MBTPS2: variants seen among roughly 807,000 people sequenced by gnomAD.
The protein encoded by MBTPS2 is membrane-bound transcription factor site-2 protease.
Under a neutral mutation model 35.4 loss-of-function variants are expected in MBTPS2, and 2 were observed. The ratio of observed to expected loss-of-function variants is 0.06; its 90% confidence interval spans 0.02 to 0.18. MBTPS2 has a LOEUF of 0.18. Ranked by LOEUF, MBTPS2 falls within the 10% of genes least tolerant of loss-of-function variation. MBTPS2 has a pLI of 1.00. For missense variants in MBTPS2, 244 were observed against 386.5 expected, an observed-to-expected ratio of 0.63 and a Z score of 3.09; for synonymous variants, 125 against 140.4, an observed-to-expected ratio of 0.89 and a Z score of 0.77.
intron 1 of MBTPS2, among the ~76,000 whole-genome samples, chrX:21,841,624 A>G (rs1305318302): frequency 9.0e-6 from 1 of 110,958 alleles, no homozygotes; most frequent in East Asian, 2.8e-4. Context: ...ACATAGTAAG[A>G]CACACACACA....
intron 5 of MBTPS2, chrX:21,856,864 C>G: frequency 8.3e-7 from 1 of 1,211,369 alleles, no homozygotes. Flanking sequence ...TCGGCCTCGG[C>G]GGCATCAACA....
At chrX:21,863,289 T>TA (rs1302066357) in intron 5 of MBTPS2, among the ~76,000 whole-genome samples, 3 of 104,848 alleles carry the variant, frequency 2.9e-5, no homozygotes, top group Non-Finnish European at 5.9e-5. Flanking sequence ...AAATTAAATT[T>TA]AAAAAAAAAT....
At chrX:21,868,307 T>C (rs1308678536) in intron 5 of MBTPS2, among the ~76,000 whole-genome samples, 160 bp from the exon 6 acceptor site, 2 of 111,962 alleles carry the variant, frequency 1.8e-5, no homozygotes, top group Admixed American at 9.5e-5. Context: ...AACTAATAAT[T>C]GAACATCTGT....
At chrX:21,858,286 A>G (rs1380882782) in intron 5 of MBTPS2, 2 of 123,314 alleles carry the variant, frequency 1.6e-5, no homozygotes, top group Non-Finnish European at 3.8e-5. Context: ...TTTCCCCAAA[A>G]TACTACCAGA....
At chrX:21,850,622 T>C (rs1602139564) in intron 3 of MBTPS2, among the ~76,000 whole-genome samples, 1 of 111,772 alleles carries the variant, frequency 8.9e-6, no homozygotes, top group South Asian at 3.8e-4. Flanking sequence ...CTTAGCCTAA[T>C]TTATTGTCTC....
chrX:21,844,330 T>C (rs1037884010), intron 2 of MBTPS2, among the ~76,000 whole-genome samples: 5 of 109,861 alleles, frequency 4.6e-5, no homozygotes, highest in Non-Finnish European at 7.6e-5. Context: ...CTGGGTAACA[T>C]GGCGAAACCC....
chrX:21,866,780 G>T (rs890507951), intron 5 of MBTPS2, among the ~76,000 whole-genome samples: 6 of 110,153 alleles, frequency 5.4e-5, no homozygotes, highest in African/African-American at 2.0e-4. Context: ...TAATCCTAGC[G>T]CTTTGGGAGG....
chrX:21,855,772 C>T (rs1352210019), intron 5 of MBTPS2, among the ~76,000 whole-genome samples: 10 of 107,905 alleles, frequency 9.3e-5, no homozygotes, highest in Non-Finnish European at 1.9e-5. Flanking sequence ...TCACTCGAAC[C>T]CAGGAGGCGG....
intron 5 of MBTPS2, among the ~76,000 whole-genome samples, chrX:21,859,534 G>A (rs1385408671): frequency 2.8e-5 from 3 of 105,751 alleles, no homozygotes; most frequent in Non-Finnish European, 5.8e-5. Context: ...TGCCTGTTCA[G>A]TTAAAGTAGT....
At chrX:21,875,998 C>T (rs2092952639) in intron 7 of MBTPS2, among the ~76,000 whole-genome samples, 1 of 111,828 alleles carries the variant, frequency 8.9e-6, no homozygotes, top group Admixed American at 9.5e-5. Context: ...AGGAATTAGT[C>T]TGCACTCAAG....
In MBTPS2 at chrX:21,856,796, G is replaced by T. The variant is rs375625645; in HGVS notation, c.670+3293G>T. The T allele has an allele frequency of 5.8e-5, 70 of 1,209,886 alleles. No homozygotes were observed. The highest frequency in any genetic ancestry group is 7.4e-5 in the Non-Finnish European group (66 of 895,209). ...AGCTAGGCAACGACTTGGAGGACCA[G>T]TTGGCCCTCCCGGATAGCATTGAAG... On this transcript the variant is annotated intron_variant, in intron 5 of 10. Transcript: ENST00000379484.
rs2092955716 is a variant in MBTPS2 at position 21,878,697 on chromosome X, G to C, written c.1261+5G>C. ...CTCTGCATCTTCACTACACAGGTGAGTATTTTTGTGGTAGACCCTTAGAAA... is the reference window on the plus strand; with the variant it reads ...CTCTGCATCTTCACTACACAGGTGACTATTTTTGTGGTAGACCCTTAGAAA... On this transcript the variant is annotated splice_donor_5th_base_variant and intron_variant, in intron 9 of 10. Transcript: ENST00000379484. 1 of 1,165,395 alleles carries C rather than the reference G, an allele frequency of 8.6e-7. No individual in the cohort carries two copies. Among genetic ancestry groups the C allele is most frequent in the Non-Finnish European group, 1.2e-6 (1 of 853,502 alleles).
intron 10 of MBTPS2, among the ~76,000 whole-genome samples, chrX:21,882,166 T>G (rs1388437412): frequency 8.9e-6 from 1 of 112,160 alleles, no homozygotes; most frequent in African/African-American, 3.2e-5. Context: ...TAGAAAGACT[T>G]AGTCTTCCTA....
intron 5 of MBTPS2, chrX:21,858,101 A>G (rs1362360879): frequency 8.0e-6 from 1 of 124,844 alleles, no homozygotes; most frequent in African/African-American, 3.2e-5. Context: ...GTGAACAATT[A>G]TATGCATACG....
chrX:21,857,186 G>A (rs1327666005), intron 5 of MBTPS2: 2 of 1,211,930 alleles, frequency 1.7e-6, no homozygotes, highest in Non-Finnish European at 2.2e-6. Context: ...ATCCTAAACA[G>A]CTGGCAGAAT....
intron 5 of MBTPS2, among the ~76,000 whole-genome samples, chrX:21,863,275 A>C (rs941356301): frequency 1.9e-5 from 2 of 106,899 alleles, no homozygotes; most frequent in Non-Finnish European, 1.9e-5. Context: ...AAAAAAAAAA[A>C]AAAAAATTAA....
At chrX:21,856,717 T>A (rs914919324) in intron 5 of MBTPS2, 1 of 1,209,854 alleles carries the variant, frequency 8.3e-7, no homozygotes, top group African/African-American at 1.8e-5. Context: ...GACCAGGAAA[T>A]GCTTATGTTG....
At chrX:21,863,808 G>C (rs1440354966) in intron 5 of MBTPS2, among the ~76,000 whole-genome samples, 1 of 111,905 alleles carries the variant, frequency 8.9e-6, no homozygotes, top group Non-Finnish European at 1.9e-5. Context: ...GTTGTGAGTT[G>C]TCAGCCTAGT....
At chrX:21,845,614 A>C (rs997904360) in intron 3 of MBTPS2, among the ~76,000 whole-genome samples, 3 of 112,550 alleles carry the variant, frequency 2.7e-5, no homozygotes, top group African/African-American at 9.7e-5. Flanking sequence ...ATGAACCATC[A>C]TTAAGACTGT....
Sources: gnomAD v4.1 joint callset for allele counts (sites outside exome capture counted in the v4.1 genomes callset) on GRCh38, gnomAD v4.1.1 for gene constraint, MANE v1.5 for transcripts, NCBI Gene and HGNC (gene_info 2026-07-23, HGNC 2026-07-21) for gene names.